SLC13A1: variants seen among roughly 807,000 people sequenced by gnomAD.
SLC13A1 encodes Na(+)/sulfate cotransporter.
SLC13A1 carries 65 observed loss-of-function variants against 70.0 expected under a neutral mutation model. The observed-to-expected ratio is 0.93, with a 90% CI of 0.76 to 1.14. SLC13A1 has a LOEUF of 1.14. SLC13A1 is among the 50% of genes most tolerant of loss of function. The pLI, the probability that SLC13A1 is intolerant of heterozygous loss-of-function variation, is 0.00. For synonymous variants in SLC13A1, 275 were observed against 250.5 expected (o/e 1.10, Z -0.92); for missense variants, 726 against 717.8 (o/e 1.01, Z -0.13).
At chr7:123,179,756 A>G (rs995503835) in intron 2 of SLC13A1, among the ~76,000 whole-genome samples, 1 of 152,124 alleles carries the variant, frequency 6.6e-6, no homozygotes, top group Non-Finnish European at 1.5e-5. Flanking sequence ...TCTTTTTAAC[A>G]GTTAATTTAG....
intron 2 of SLC13A1, among the ~76,000 whole-genome samples, chr7:123,176,634 G>A (rs751621228): frequency 1.2e-4 from 18 of 152,252 alleles, no homozygotes; most frequent in Non-Finnish European, 1.8e-4. Flanking sequence ...TTTAAAAGGT[G>A]CTTTGTTAGT....
intron 13 of SLC13A1, among the ~76,000 whole-genome samples, chr7:123,117,915 G>A (rs1585280022): frequency 6.6e-6 from 1 of 151,390 alleles, no homozygotes; most frequent in Middle Eastern, 3.5e-3. Flanking sequence ...GCTAGGTGTT[G>A]GGCTAAATGT....
chr7:123,152,687 A>C (rs2116453500), intron 6 of SLC13A1, among the ~76,000 whole-genome samples: 1 of 152,224 alleles, frequency 6.6e-6, no homozygotes, highest in Middle Eastern at 3.4e-3. Context: ...TTACTTTCTA[A>C]TTAACTTTAA....
At chr7:123,169,778 C>A (rs981611748) in intron 3 of SLC13A1, among the ~76,000 whole-genome samples, 1 of 152,082 alleles carries the variant, frequency 6.6e-6, no homozygotes, top group African/African-American at 2.4e-5. Flanking sequence ...AGCCATAACT[C>A]TGTTCATAGG....
chr7:123,171,622 C>T, intron 3 of SLC13A1, 146 bp downstream of exon 3: 1 of 819,904 alleles, frequency 1.2e-6, no homozygotes, highest in Non-Finnish European at 2.0e-6. Context: ...CTTTATATCA[C>T]TTTCATATTT....
In SLC13A1 at chr7:123,183,153, C is replaced by T. The variant is rs117904134; in HGVS notation, c.100-2052G>A. 7.5e-3 allele frequency among the ~76,000 whole-genome samples: 1,142 copies of T among 152,216 alleles called. 8 individuals carry two copies. The highest frequency in any genetic ancestry group is 0.012 in the Non-Finnish European group (803 of 68,012). ...ACCTGTCTGAGCTCACATTCTAGAC[C>T]CTTTGACCGTGTTTGATCATTTGGA... On this transcript the variant is annotated intron_variant, in intron 1 of 14. Coordinates refer to ENST00000194130, the MANE Select transcript of SLC13A1 (RefSeq NM_022444.4).
intron 12 of SLC13A1, among the ~76,000 whole-genome samples, chr7:123,120,495 G>T (rs551103583): frequency 8.5e-5 from 13 of 152,114 alleles, no homozygotes; most frequent in Admixed American, 2.6e-4. Flanking sequence ...GCTATACTCA[G>T]ATTAGCAAGG....
intron 10 of SLC13A1, among the ~76,000 whole-genome samples, chr7:123,127,058 A>G (rs917174327): frequency 6.6e-6 from 1 of 152,144 alleles, no homozygotes; most frequent in African/African-American, 2.4e-5. Flanking sequence ...TTTTCAAAGT[A>G]CTTTAAAAAC....
chr7:123,195,976 A>C (rs1167854085), intron 1 of SLC13A1, among the ~76,000 whole-genome samples: 1 of 152,072 alleles, frequency 6.6e-6, no homozygotes, highest in Non-Finnish European at 1.5e-5. Flanking sequence ...TTTTTGTTTC[A>C]TGAATAAAAA....
At position 123,122,037 on chromosome 7, in the gene SLC13A1, G is replaced by T. The variant is rs191352411; in HGVS notation, c.1350+1089C>A. Among the ~76,000 whole-genome samples the T allele has an allele frequency of 3.3e-5, 5 of 152,158 alleles. 1 individual carries two copies. The East Asian group carries it at 9.7e-4, about 29-fold the overall frequency. On this transcript the variant is annotated intron_variant, in intron 12 of 14. Transcript: ENST00000194130. The stretch of plus-strand genomic sequence containing the variant: ...CTGGGTTCCCAAATTCTTCTACTGA[G>T]AGAACCTTGTGCATCAGGCTGAGTC...
chr7:123,156,070 C>G (rs1794702984), intron 6 of SLC13A1, among the ~76,000 whole-genome samples: 1 of 152,084 alleles, frequency 6.6e-6, no homozygotes. Flanking sequence ...CTTCCTCCTG[C>G]TTTTCAGCAT....
At chr7:123,137,218 TAGAC>T (rs1793982068) in intron 7 of SLC13A1, among the ~76,000 whole-genome samples, 1 of 152,168 alleles carries the variant, frequency 6.6e-6, no homozygotes, top group African/African-American at 2.4e-5. Context: ...CAGGATGTGG[TAGAC>T]AGAGTTCCAA....
chr7:123,180,577 T>G (rs981311458), intron 2 of SLC13A1, among the ~76,000 whole-genome samples: 14 of 152,174 alleles, frequency 9.2e-5, no homozygotes, highest in Admixed American at 4.6e-4. Context: ...GGCAGGTTTC[T>G]GGAAATGAAA....
intron 8 of SLC13A1, among the ~76,000 whole-genome samples, chr7:123,130,066 C>A (rs1169256210): frequency 6.6e-6 from 1 of 152,082 alleles, no homozygotes; most frequent in African/African-American, 2.4e-5. Flanking sequence ...CAGTTGGGGT[C>A]AGATCCATCA....
chr7:123,147,007 G>A (rs910058059), intron 7 of SLC13A1, 152 bp downstream of exon 7: 4 of 708,976 alleles, frequency 5.6e-6, no homozygotes, highest in Non-Finnish European at 9.2e-6. Flanking sequence ...CAGTATAAAG[G>A]AAGGTCTGTA....
intron 1 of SLC13A1, among the ~76,000 whole-genome samples, chr7:123,185,594 A>G (rs1052095635): frequency 5.3e-5 from 8 of 152,044 alleles, no homozygotes; most frequent in Non-Finnish European, 1.0e-4. Flanking sequence ...TTGGCTGTAA[A>G]TGTAGAGAAT....
chr7:123,145,079 A>G (rs190326679), intron 7 of SLC13A1, among the ~76,000 whole-genome samples: 1 of 152,294 alleles, frequency 6.6e-6, no homozygotes, highest in African/African-American at 2.4e-5. Flanking sequence ...TTTATCATTC[A>G]TGATCCAGGC....
At position 123,119,151 on chromosome 7, in the gene SLC13A1, A is replaced by T. The variant is rs765188545; in HGVS notation, c.1442T>A (p.Val481Glu). 58 of 1,612,636 alleles carry T rather than the reference A, an allele frequency of 3.6e-5. No homozygotes were observed. Among genetic ancestry groups the T allele is most frequent in the Non-Finnish European group, 4.7e-5 (56 of 1,179,126 alleles). ...GCTGGCTACCTCAGTTAAAGATGTC[A>T]CCATCAAAGAAGATATCAGAATTAT... ...WLIILISSLMVTSLTEVASNP... is the reference protein window; with the variant it reads ...WLIILISSLMETSLTEVASNP... The change falls in exon 13 of 15, where the codon GTG (valine) becomes GAG (glutamate). Residue 481 changes from valine (V) to glutamate (E), a missense_variant. Physicochemically the swap from Val to Glu is moderately radical, Grantham distance 121. Coordinates refer to ENST00000194130, the MANE Select transcript of SLC13A1 (RefSeq NM_022444.4).
intron 7 of SLC13A1, among the ~76,000 whole-genome samples, chr7:123,135,010 A>G (rs531985827): frequency 2.0e-5 from 3 of 152,084 alleles, no homozygotes; most frequent in African/African-American, 7.2e-5. Flanking sequence ...ATGTGAAAGT[A>G]CTCTGATCCA....
Sources: gnomAD v4.1 joint callset for allele counts (sites outside exome capture counted in the v4.1 genomes callset) on GRCh38, gnomAD v4.1.1 for gene constraint, MANE v1.5 for transcripts, NCBI Gene and HGNC (gene_info 2026-07-23, HGNC 2026-07-21) for gene names.